Variants in ITPR2 observed in about 807,000 individuals in gnomAD.
The protein encoded by ITPR2 is inositol 1,4,5-trisphosphate receptor type 2, also known as inositol 1,4,5-trisphosphate-gated calcium channel ITPR2.
In ITPR2, 207 loss-of-function variants were observed where a neutral mutation model predicts 317.1. That is an observed-to-expected ratio of 0.65 (90% CI 0.58 to 0.73). ITPR2 has a LOEUF of 0.73. Ranked by LOEUF, ITPR2 falls within the 30% of genes least tolerant of loss-of-function variation. ITPR2 has a pLI of 0.00. For synonymous variants in ITPR2, 1,156 were observed against 1,149.1 expected (o/e 1.01, Z -0.12); for missense variants, 2,613 against 3,284.0 (o/e 0.80, Z 4.99).
intron 45 of ITPR2, among the ~76,000 whole-genome samples, chr12:26,452,491 T>C (rs146254405): frequency 0.016 from 2,384 of 151,812 alleles, 47 homozygotes; most frequent in Non-Finnish European, 0.02. Context: ...ATTTCTATAC[T>C]GCTTTGCATG....
intron 1 of ITPR2, among the ~76,000 whole-genome samples, chr12:26,794,906 A>G (rs958556997): frequency 1.3e-5 from 2 of 152,242 alleles, no homozygotes; most frequent in Admixed American, 1.3e-4. Flanking sequence ...ATTCTCTTAC[A>G]TATCCACATA....
intron 45 of ITPR2, among the ~76,000 whole-genome samples, chr12:26,445,296 G>A (rs1159936376): frequency 6.6e-6 from 1 of 152,146 alleles, no homozygotes; most frequent in Non-Finnish European, 1.5e-5. Context: ...ACGAGGAGCG[G>A]GCTGTTGGAT....
At chr12:26,685,406 C>T (rs905112580) in intron 11 of ITPR2, among the ~76,000 whole-genome samples, 2 of 151,968 alleles carry the variant, frequency 1.3e-5, no homozygotes, top group Non-Finnish European at 2.9e-5. Flanking sequence ...GACCAGCCTG[C>T]GCAATATGGC....
At chr12:26,571,965 A>C (rs1427265724) in intron 34 of ITPR2, among the ~76,000 whole-genome samples, 3 of 152,356 alleles carry the variant, frequency 2.0e-5, no homozygotes, top group Non-Finnish European at 4.4e-5. Flanking sequence ...ATGTTATATA[A>C]ATATGACTAT....
chr12:26,341,413 C>T (rs901838), intron 55 of ITPR2, among the ~76,000 whole-genome samples: 147,313 of 152,264 alleles, frequency 0.97, 71,449 homozygotes, highest in Non-Finnish European at 1. Flanking sequence ...ATGAGAGTCA[C>T]TGGAGTGTTC....
chr12:26,414,050 T>TACACACAC (rs777855580), intron 51 of ITPR2, among the ~76,000 whole-genome samples: 11,835 of 138,086 alleles, frequency 0.086, 565 homozygotes, highest in Non-Finnish European at 0.091. Flanking sequence ...TGTATATATG[T>TACACACAC]ACACACACAC....
intron 45 of ITPR2, among the ~76,000 whole-genome samples, chr12:26,464,553 G>A (rs191743450): frequency 6.6e-6 from 1 of 152,302 alleles, no homozygotes; most frequent in Admixed American, 6.5e-5. Flanking sequence ...GAGCCCGGGG[G>A]TTGGGGACCC....
chr12:26,461,924 G>GT (rs1171269911), intron 45 of ITPR2, among the ~76,000 whole-genome samples: 2 of 149,158 alleles, frequency 1.3e-5, no homozygotes, highest in Non-Finnish European at 3.0e-5. Flanking sequence ...CTGGCTAAGG[G>GT]TAACTATTTC....
At chr12:26,411,505 AT>A in intron 51 of ITPR2, 93 bp from the exon 52 acceptor site, 1 of 792,568 alleles carries the variant, frequency 1.3e-6, no homozygotes, top group Non-Finnish European at 2.0e-6. Context: ...AATTAAAGGC[AT>A]TCATACTCCA....
chr12:26,505,209 C>T (rs1003222118), intron 37 of ITPR2, among the ~76,000 whole-genome samples: 1 of 152,300 alleles, frequency 6.6e-6, no homozygotes, highest in Middle Eastern at 3.4e-3. Context: ...ATCATGATGA[C>T]AGCTTCCTAC....
intron 42 of ITPR2, 47 bp from the exon 43 acceptor site, chr12:26,481,288 T>C: frequency 9.0e-7 from 1 of 1,106,696 alleles, no homozygotes; most frequent in Non-Finnish European, 1.4e-6. Flanking sequence ...CACAACAGAA[T>C]AGCACTAGAA....
chr12:26,399,135 G>A, intron 53 of ITPR2, 94 bp from the exon 54 acceptor site: 1 of 923,148 alleles, frequency 1.1e-6, no homozygotes, highest in East Asian at 3.1e-5. Flanking sequence ...TTTGTGAAAT[G>A]AATATAAATA....
At chr12:26,686,900 C>T (rs1184771059) in intron 10 of ITPR2, among the ~76,000 whole-genome samples, 1 of 152,148 alleles carries the variant, frequency 6.6e-6, no homozygotes, top group African/African-American at 2.4e-5. Context: ...ATGGACCCTT[C>T]CCTCGTTCTC....
At chr12:26,632,179 G>T in intron 21 of ITPR2, 120 bp from the exon 22 acceptor site, 1 of 610,238 alleles carries the variant, frequency 1.6e-6, no homozygotes, top group Non-Finnish European at 2.6e-6. Flanking sequence ...GGATAAGACA[G>T]AATAGCATAA....
At chr12:26,493,509 G>T (rs1264060056) in intron 39 of ITPR2, among the ~76,000 whole-genome samples, 1 of 152,176 alleles carries the variant, frequency 6.6e-6, no homozygotes, top group African/African-American at 2.4e-5. Context: ...CCTCAGTAGG[G>T]TGGCCATAAT....
At chr12:26,466,172 T>C (rs1456926081) in intron 45 of ITPR2, among the ~76,000 whole-genome samples, 1 of 152,246 alleles carries the variant, frequency 6.6e-6, no homozygotes, top group African/African-American at 2.4e-5. Context: ...CATTCACTCC[T>C]GCTAACAAAT....
intron 28 of ITPR2, 32 bp downstream of exon 28, chr12:26,602,338 A>C (rs1946020285): frequency 6.4e-7 from 1 of 1,570,670 alleles, no homozygotes; most frequent in African/African-American, 1.4e-5. Flanking sequence ...TCAAAATAAA[A>C]AGCTAAAGAA....
chr12:26,653,949 T>C, intron 21 of ITPR2, 27 bp downstream of exon 21: 2 of 1,576,118 alleles, frequency 1.3e-6, no homozygotes, highest in East Asian at 2.2e-5. Flanking sequence ...ATAACAATGA[T>C]ATTATCACAT....
intron 37 of ITPR2, among the ~76,000 whole-genome samples, chr12:26,530,406 G>A (rs1279730079): frequency 6.6e-6 from 1 of 152,170 alleles, no homozygotes; most frequent in Non-Finnish European, 1.5e-5. Flanking sequence ...TGTTTGTGTT[G>A]CCAACAGTCA....
Sources: allele counts gnomAD v4.1 joint callset (sites outside exome capture counted in the v4.1 genomes callset), GRCh38; gene constraint gnomAD v4.1.1; transcripts MANE v1.5; gene names NCBI Gene and HGNC (gene_info 2026-07-23, HGNC 2026-07-21).